The following FOCAD variants were observed in gnomAD, a reference collection of about 807,000 sequenced individuals.
FOCAD encodes KIAA1797.
In FOCAD, 198 loss-of-function variants were observed where a neutral mutation model predicts 225.6. That is an observed-to-expected ratio of 0.88 (90% CI 0.78 to 0.99). The LOEUF (loss-of-function observed/expected upper bound fraction) is 0.99. FOCAD is among the 50% of genes least tolerant of loss of function. The pLI is 0.00. For synonymous variants in FOCAD, 897 were observed against 755.0 expected, an observed-to-expected ratio of 1.19 and a Z score of -3.08; for missense variants, 2,713 against 2,123.6, an observed-to-expected ratio of 1.28 and a Z score of -5.46.
At chr9:20,951,537 A>G (rs1837687843) in intron 34 of FOCAD, among the ~76,000 whole-genome samples, 1 of 152,174 alleles carries the variant, frequency 6.6e-6, no homozygotes, top group South Asian at 2.1e-4. Context: ...GGTAGTTTGT[A>G]TAGTATTCAT....
At chr9:20,705,737 T>A (rs4977582) in intron 1 of FOCAD, among the ~76,000 whole-genome samples, 1 of 150,940 alleles carries the variant, frequency 6.6e-6, no homozygotes. Context: ...AAAAAAAAAG[T>A]CAACTTTGAA....
At chr9:20,987,773 T>G (rs1841318412) in intron 40 of FOCAD, among the ~76,000 whole-genome samples, 1 of 152,204 alleles carries the variant, frequency 6.6e-6, no homozygotes, top group South Asian at 2.1e-4. Flanking sequence ...GCAGTTCCCG[T>G]TTTTGAAACA....
In FOCAD at chr9:20,990,268, G is replaced by C; in HGVS notation, c.5150G>C (p.Gly1717Ala). ...GPAGPVPSFL[G>A]RSPMHRVTLQ... ...GCTGGGCCAGTACCAAGCTTCCTTG[G>C]CAGGAGTCCAATGCACAGGGTCACT... The change falls in exon 42 of 44, where the codon GGC (glycine) becomes GCC (alanine). Residue 1717 changes from glycine to alanine, a missense_variant. Coordinates refer to ENST00000338382, the MANE Select transcript of FOCAD (RefSeq NM_001375567.1). 6.2e-7 allele frequency: 1 copy of C among 1,614,160 alleles called. No homozygotes were observed.
intron 28 of FOCAD, among the ~76,000 whole-genome samples, chr9:20,933,626 T>C (rs1007065159): frequency 2.0e-5 from 3 of 152,198 alleles, no homozygotes; most frequent in Non-Finnish European, 2.9e-5. Flanking sequence ...TTGATGGGTA[T>C]TTGAGTTGGT....
intron 2 of FOCAD, among the ~76,000 whole-genome samples, chr9:20,660,499 C>T (rs999048112): frequency 6.7e-6 from 1 of 149,846 alleles, no homozygotes; most frequent in African/African-American, 2.5e-5. Flanking sequence ...ATTCAGATCC[C>T]TTAGAAAGAA....
At chr9:20,964,480 G>T (rs1839066814) in intron 35 of FOCAD, among the ~76,000 whole-genome samples, 1 of 152,112 alleles carries the variant, frequency 6.6e-6, no homozygotes, top group Admixed American at 6.5e-5. Flanking sequence ...AGATGGAACA[G>T]AACTACAACA....
At chr9:20,912,435 C>A (rs1286849710) in intron 22 of FOCAD, among the ~76,000 whole-genome samples, 1 of 151,990 alleles carries the variant, frequency 6.6e-6, no homozygotes, top group Admixed American at 6.6e-5. Flanking sequence ...TTACCGGAAT[C>A]TTAAGTGTTA....
intron 6 of FOCAD, among the ~76,000 whole-genome samples, chr9:20,763,555 G>T (rs1048903210): frequency 6.6e-6 from 1 of 152,204 alleles, no homozygotes; most frequent in African/African-American, 2.4e-5. Flanking sequence ...GGAAGGACCT[G>T]AGAAAGTCAT....
Position 20,982,410 on chromosome 9 carries a change from A to G in FOCAD, c.4692A>G (p.Thr1564=). Residue 1564 remains threonine, a synonymous_variant, in exon 39 of 44, where the codon ACA becomes ACG. Transcript: ENST00000338382. ...TAGCAAAATGCCTCTTAGAAATGAC[A>G]GATGATGATGCCAATCGGATCGCCC... ...ISIAKCLLEM[T]DDDANRIAQV... 1 of 1,613,960 alleles carries G rather than the reference A, an allele frequency of 6.2e-7. No homozygotes were observed. Among genetic ancestry groups the G allele is most frequent in the Non-Finnish European group, 8.5e-7 (1 of 1,179,892 alleles).
chr9:20,918,593 G>C (rs950615775), intron 24 of FOCAD, among the ~76,000 whole-genome samples: 1 of 151,810 alleles, frequency 6.6e-6, no homozygotes, highest in Non-Finnish European at 1.5e-5. Flanking sequence ...GCGTAATGGC[G>C]GGCGCCTGTA....
chr9:20,914,909 T>C (rs1394705421), intron 23 of FOCAD, among the ~76,000 whole-genome samples: 1 of 152,204 alleles, frequency 6.6e-6, no homozygotes, highest in Non-Finnish European at 1.5e-5. Flanking sequence ...TGTGGAAAAG[T>C]AAATTGATTT....
chr9:20,944,805 T>A, intron 29 of FOCAD, 31 bp downstream of exon 29: 1 of 1,583,292 alleles, frequency 6.3e-7, no homozygotes, highest in Non-Finnish European at 8.6e-7. Context: ...TTTTTTCCCC[T>A]CTGCTCTCTT....
intron 39 of FOCAD, among the ~76,000 whole-genome samples, chr9:20,985,440 T>A (rs779693016): frequency 2.4e-4 from 37 of 151,994 alleles, no homozygotes; most frequent in Non-Finnish European, 4.4e-4. Flanking sequence ...GCTCAAATTT[T>A]ATCATTTGGG....
intron 32 of FOCAD, 70 bp from the exon 33 acceptor site, chr9:20,949,534 G>T (rs1837493101): frequency 1.1e-5 from 10 of 917,956 alleles, no homozygotes; most frequent in Non-Finnish European, 1.5e-5. Context: ...GATAGCTCAT[G>T]CACCGGGAAT....
intron 11 of FOCAD, among the ~76,000 whole-genome samples, chr9:20,791,909 G>T (rs1314590762): frequency 1.3e-5 from 2 of 152,182 alleles, no homozygotes; most frequent in East Asian, 3.8e-4. Context: ...GAACTTCTCA[G>T]TTTGTCTTTT....
intron 35 of FOCAD, among the ~76,000 whole-genome samples, chr9:20,968,877 T>G (rs766001059): frequency 6.6e-6 from 1 of 152,226 alleles, no homozygotes; most frequent in Non-Finnish European, 1.5e-5. Flanking sequence ...ATTTCTACTT[T>G]TTAAAATGCC....
At chr9:20,939,358 C>G (rs1836389421) in intron 28 of FOCAD, among the ~76,000 whole-genome samples, 1 of 152,210 alleles carries the variant, frequency 6.6e-6, no homozygotes, top group Non-Finnish European at 1.5e-5. Flanking sequence ...ATTTTCATGT[C>G]TCTTTCCATC....
chr9:20,730,219 T>A (rs1045038502), intron 4 of FOCAD, among the ~76,000 whole-genome samples: 2 of 152,212 alleles, frequency 1.3e-5, no homozygotes, highest in East Asian at 3.9e-4. Flanking sequence ...CAGCTGTTGA[T>A]GCTCAGTGAC....
In FOCAD at chr9:20,953,001, C is replaced by G; in HGVS notation, c.4068C>G (p.Ser1356Arg). The change falls in exon 35 of 44, where the codon AGC (serine) becomes AGG (arginine). Residue 1356 changes from serine to arginine, a missense_variant. Coordinates refer to ENST00000338382, the MANE Select transcript of FOCAD (RefSeq NM_001375567.1). ...TCTCCACAGTTCCTACTGACTATAG[C>G]TACTTGCCTGAAAGCAGTTTTATTG... Reference protein sequence around the residue: ...QSRASVPTDYSYLPESSFIGA... With the variant: ...QSRASVPTDYRYLPESSFIGA... 1.9e-6 allele frequency: 3 copies of G among 1,613,558 alleles called. No individual in the cohort carries two copies. The highest frequency in any genetic ancestry group is 2.2e-5 in the East Asian group (1 of 44,854).
Sources: gnomAD v4.1 joint callset for allele counts (sites outside exome capture counted in the v4.1 genomes callset) on GRCh38, gnomAD v4.1.1 for gene constraint, MANE v1.5 for transcripts, NCBI Gene and HGNC (gene_info 2026-07-23, HGNC 2026-07-21) for gene names.